PHTF1: variants seen among roughly 807,000 people sequenced by gnomAD.
PHTF1 encodes putative homeodomain transcription factor 1.
A neutral mutation model predicts 102.4 loss-of-function variants in PHTF1; 88 were observed. The observed-to-expected ratio is 0.86, with a 90% CI of 0.72 to 1.03. The LOEUF (loss-of-function observed/expected upper bound fraction) is 1.03, where lower values mean the gene tolerates loss of function less well. Among genes scored for constraint, PHTF1 ranks in the 50% least tolerant of loss-of-function variants. The pLI, the probability that PHTF1 is intolerant of heterozygous loss-of-function variation, is 0.00. For synonymous variants in PHTF1, 289 were observed against 305.2 expected, an observed-to-expected ratio of 0.95 and a Z score of 0.55; for missense variants, 814 against 909.5, an observed-to-expected ratio of 0.89 and a Z score of 1.35.
At chr1:113,722,164 G>A (rs1653052758) in intron 7 of PHTF1, among the ~76,000 whole-genome samples, 1 of 151,502 alleles carries the variant, frequency 6.6e-6, no homozygotes, top group South Asian at 2.1e-4. Flanking sequence ...AAATTGAAGA[G>A]AACGCAGCCG....
Position 113,700,875 on chromosome 1 carries a change from T to C in PHTF1, c.1965A>G (p.Leu655=). ...GTGAGGCCAGACGCAATAAAAAAAGTAGTAAAGCTGTTTCCCAGATCAAAA... is the reference window on the plus strand; with the variant it reads ...GTGAGGCCAGACGCAATAAAAAAAGCAGTAAAGCTGTTTCCCAGATCAAAA... ...WEFLIWETAL[L]LFLLRLASLG... The change falls in exon 16 of 19, where the codon CTA becomes CTG. Residue 655 remains leucine (L), a synonymous_variant. Coordinates refer to ENST00000369604, the MANE Select transcript of PHTF1 (RefSeq NM_001323043.2). 4 of 1,612,608 alleles carry C rather than the reference T, an allele frequency of 2.5e-6. No individual in the cohort carries two copies. Among genetic ancestry groups the C allele is most frequent in the Non-Finnish European group, 3.4e-6 (4 of 1,179,454 alleles).
chr1:113,738,280 C>G lies in PHTF1; in HGVS notation c.173-12G>C. ...GGCAAATGTTGACCCTTTAAACATA[C>G]AATAAAACAAAACATCAAACATTTA... On this transcript the variant is annotated splice_polypyrimidine_tract_variant and intron_variant, in intron 4 of 18. Coordinates refer to ENST00000369604, the MANE Select transcript of PHTF1 (RefSeq NM_001323043.2). 6.2e-7 allele frequency: 1 copy of G among 1,608,280 alleles called. No individual in the cohort carries two copies. The highest frequency in any genetic ancestry group is 8.5e-7 in the Non-Finnish European group (1 of 1,176,412).
Position 113,738,150 on chromosome 1 carries a change from T to TA in PHTF1, c.290dup (p.Leu97PhefsTer31). ...GTAGTAACAGCCAAACAAAGATTCT[T>TA]AAAGAGGTAACCTGAATCCACCAAT... On this transcript the variant is annotated frameshift_variant, in exon 5 of 19. Coordinates refer to ENST00000369604, the MANE Select transcript of PHTF1 (RefSeq NM_001323043.2). LOFTEE classifies it high-confidence loss of function. 6.2e-7 allele frequency: 1 copy of TA among 1,612,746 alleles called. No homozygotes were observed. The highest frequency in any genetic ancestry group is 2.2e-5 in the East Asian group (1 of 44,846).
intron 7 of PHTF1, among the ~76,000 whole-genome samples, chr1:113,719,696 C>T (rs568185261): frequency 1.8e-4 from 28 of 152,170 alleles, no homozygotes; most frequent in Non-Finnish European, 3.5e-4. Context: ...TTCTTCTGAG[C>T]GCTCCAAACT....
At chr1:113,716,546 C>T (rs943086467) in intron 7 of PHTF1, among the ~76,000 whole-genome samples, 9 of 151,710 alleles carry the variant, frequency 5.9e-5, no homozygotes, top group African/African-American at 1.9e-4. Context: ...ACTGGGTCTC[C>T]CTAATGTTGC....
intron 5 of PHTF1, among the ~76,000 whole-genome samples, chr1:113,732,101 T>G (rs1189862774): frequency 6.6e-6 from 1 of 151,926 alleles, no homozygotes; most frequent in Non-Finnish European, 1.5e-5. Flanking sequence ...GTATTGTTGG[T>G]TTTGGGGGGT....
At chr1:113,739,997 C>G (rs2101613777) in intron 3 of PHTF1, among the ~76,000 whole-genome samples, 1 of 152,298 alleles carries the variant, frequency 6.6e-6, no homozygotes, top group East Asian at 1.9e-4. Context: ...GACACGTACA[C>G]TGAATTCCAT....
intron 5 of PHTF1, among the ~76,000 whole-genome samples, chr1:113,730,432 T>C (rs1480547853): frequency 6.6e-6 from 1 of 152,186 alleles, no homozygotes; most frequent in Non-Finnish European, 1.5e-5. Context: ...AAAACAAGGA[T>C]GACCACTCAC....
chr1:113,722,294 C>G (rs555756489), intron 7 of PHTF1, among the ~76,000 whole-genome samples: 2 of 151,572 alleles, frequency 1.3e-5, no homozygotes, highest in African/African-American at 4.8e-5. Flanking sequence ...AAAAAATTAG[C>G]CGGGCACGGT....
chr1:113,732,888 T>A (rs1440179574), intron 5 of PHTF1, among the ~76,000 whole-genome samples: 1 of 151,896 alleles, frequency 6.6e-6, no homozygotes, highest in Non-Finnish European at 1.5e-5. Flanking sequence ...TAGGTAACAA[T>A]CTTTTGTTGA....
chr1:113,749,226 T>G (rs889577308), intron 3 of PHTF1, among the ~76,000 whole-genome samples: 2 of 152,224 alleles, frequency 1.3e-5, no homozygotes, highest in Admixed American at 1.3e-4. Context: ...TTCTCTTTTC[T>G]TCTTTTTCTT....
chr1:113,720,299 ATATTAT>A (rs2101337463), intron 7 of PHTF1, among the ~76,000 whole-genome samples: 1 of 152,214 alleles, frequency 6.6e-6, no homozygotes, highest in Non-Finnish European at 1.5e-5. Flanking sequence ...CATAAAGCAA[ATATTAT>A]TAGAGTTAAA....
chr1:113,712,271 A>C (rs746454037), intron 8 of PHTF1, among the ~76,000 whole-genome samples, 158 bp from the exon 9 acceptor site: 1 of 152,242 alleles, frequency 6.6e-6, no homozygotes, highest in African/African-American at 2.4e-5. Flanking sequence ...ATCTCAATTA[A>C]GAAAAATATT....
chr1:113,700,547 T>TA (rs1649327105), intron 16 of PHTF1, among the ~76,000 whole-genome samples: 1 of 152,174 alleles, frequency 6.6e-6, no homozygotes. Flanking sequence ...TTACCACCAA[T>TA]AAAAATCTCT....
chr1:113,708,553 A>G (rs1328410623), intron 11 of PHTF1, among the ~76,000 whole-genome samples: 2 of 152,118 alleles, frequency 1.3e-5, no homozygotes, highest in African/African-American at 4.8e-5. Flanking sequence ...GAATCACTTG[A>G]GCCTGGAAGG....
At chr1:113,713,523 A>G (rs1233038685) in intron 7 of PHTF1, 85 bp from the exon 8 acceptor site, 2 of 708,136 alleles carry the variant, frequency 2.8e-6, no homozygotes, top group Middle Eastern at 3.2e-4. Flanking sequence ...AATACGCTAT[A>G]TTATTCTGGA....
At chr1:113,707,476 G>A (rs558875478) in intron 11 of PHTF1, among the ~76,000 whole-genome samples, 17 of 152,182 alleles carry the variant, frequency 1.1e-4, no homozygotes, top group Non-Finnish European at 1.9e-4. Flanking sequence ...TCTACAGTCT[G>A]TATCAGACAA....
chr1:113,718,311 G>T (rs187669597), intron 7 of PHTF1, among the ~76,000 whole-genome samples: 1 of 152,310 alleles, frequency 6.6e-6, no homozygotes, highest in Non-Finnish European at 1.5e-5. Context: ...ACATGGTCTT[G>T]GGCAGCTCTG....
At chr1:113,703,932 A>C in intron 15 of PHTF1, 149 bp downstream of exon 15, 1 of 512,534 alleles carries the variant, frequency 2.0e-6, no homozygotes, top group South Asian at 4.0e-5. Flanking sequence ...CATTTTGAAA[A>C]GTTAGAAAAA....
Sources: allele counts gnomAD v4.1 joint callset (sites outside exome capture counted in the v4.1 genomes callset), GRCh38; gene constraint gnomAD v4.1.1; transcripts MANE v1.5; gene names NCBI Gene and HGNC (gene_info 2026-07-23, HGNC 2026-07-21).